RPRD2: variants seen among roughly 807,000 people sequenced by gnomAD.
RPRD2 encodes the protein regulation of nuclear pre-mRNA domain-containing protein 2.
In RPRD2, 12 loss-of-function variants were observed where a neutral mutation model predicts 104.4. The observed-to-expected ratio is 0.11, with a 90% CI of 0.07 to 0.19. The LOEUF (loss-of-function observed/expected upper bound fraction) is 0.19, where lower values mean the gene tolerates loss of function less well. Among genes scored for constraint, RPRD2 ranks in the 10% least tolerant of loss-of-function variants. The pLI is 1.00. For missense variants in RPRD2, 1,543 were observed against 1,790.1 expected, an observed-to-expected ratio of 0.86 and a Z score of 2.49; for synonymous variants, 714 against 684.9, an observed-to-expected ratio of 1.04 and a Z score of -0.66.
rs1553894797 is a variant in RPRD2, at chr1:150,443,099, T to TTA, written c.515-132_515-131insTA. 4.9e-6 allele frequency: 3 copies of TTA among 615,526 alleles called. No homozygotes were observed. The African/African-American group carries it at 5.6e-5, about 11-fold the overall frequency. The allele number at this position is 615,526 out of a possible 1,614,324, so 38.1% of individuals were successfully genotyped here. On this transcript the variant is annotated intron_variant, in intron 4 of 10. Coordinates refer to ENST00000369068, the MANE Select transcript of RPRD2 (RefSeq NM_015203.5). ...AAATTTCCTAGTCCATTATTTATTT[T>TTA]AGGAATTATGACTTAAATGTGCATG...
rs1203478537 is a variant in RPRD2 at position 150,393,454 on chromosome 1, C to CAAAAA, written c.206-24123_206-24119dup. Among the ~76,000 whole-genome samples the CAAAAA allele has an allele frequency of 1.9e-3, 113 of 59,484 alleles. 2 individuals carry two copies. The highest frequency in any genetic ancestry group is 5.5e-3 in the African/African-American group (93 of 16,856). The allele number at this position is 59,484 out of a possible 152,430, so 39.0% of individuals were successfully genotyped here. On this transcript the variant is annotated intron_variant, in intron 1 of 10. Coordinates refer to ENST00000369068, the MANE Select transcript of RPRD2 (RefSeq NM_015203.5). Reference sequence around the variant, plus strand: ...CCTGGGCAACAGAGAGACCCTGTCTCAAAAAAAAAAAAAAAAAAAAAAACC... The same window carrying CAAAAA: ...CCTGGGCAACAGAGAGACCCTGTCTCAAAAAAAAAAAAAAAAAAAAAAAAAAAACC...
chr1:150,467,689 A>G (rs1668369605), intron 10 of RPRD2, among the ~76,000 whole-genome samples: 1 of 152,120 alleles, frequency 6.6e-6, no homozygotes, highest in Non-Finnish European at 1.5e-5. Flanking sequence ...GAAATTTCTG[A>G]TGAGGCAAAA....
At chr1:150,443,185 CTT>C in intron 4 of RPRD2, 44 bp from the exon 5 acceptor site, 1 of 1,486,576 alleles carries the variant, frequency 6.7e-7, no homozygotes, top group Non-Finnish European at 9.2e-7. Context: ...TGTTAGTCAA[CTT>C]TTTGTGTCTG....
intron 8 of RPRD2, 149 bp from the exon 9 acceptor site, chr1:150,459,910 CT>C (rs35339044): frequency 1.4e-6 from 1 of 699,224 alleles, no homozygotes; most frequent in African/African-American, 1.8e-5. Context: ...AAGAGTATGA[CT>C]TTTTCAAAAA....
At chr1:150,414,935 T>TA (rs1243888396) in intron 1 of RPRD2, among the ~76,000 whole-genome samples, 6 of 152,128 alleles carry the variant, frequency 3.9e-5, no homozygotes, top group Admixed American at 3.9e-4. Flanking sequence ...AGGCTAGGGG[T>TA]AACCTAAGGT....
Position 150,473,034 on chromosome 1 carries a change from T to C in RPRD2, c.4086T>C (p.Leu1362=), listed in dbSNP as rs1457621079. Residue 1362 remains leucine, a synonymous_variant, in exon 11 of 11, where the codon CTT becomes CTC. Transcript: ENST00000369068. ...AACGGGACCTCAACGGCCCTGGCCT[T>C]AGCCGTGTACGAGAGAGCCTCACCC... is the stretch of plus-strand genomic sequence containing the variant. The part of the protein sequence containing the change: ...PTQRDLNGPG[L]SRVRESLTLP... 6.2e-7 allele frequency: 1 copy of C among 1,613,984 alleles called. No individual in the cohort carries two copies. The highest frequency in any genetic ancestry group is 8.5e-7 in the Non-Finnish European group (1 of 1,179,890).
At chr1:150,415,323 T>G (rs1455571627) in intron 1 of RPRD2, among the ~76,000 whole-genome samples, 1 of 143,276 alleles carries the variant, frequency 7.0e-6, no homozygotes, top group African/African-American at 2.5e-5. Flanking sequence ...CGAGTGAAAC[T>G]GTCTCAAAAA....
chr1:150,444,495 C>A, intron 6 of RPRD2, 118 bp downstream of exon 6: 1 of 930,402 alleles, frequency 1.1e-6, no homozygotes, highest in Non-Finnish European at 1.6e-6. Context: ...GTTGTGGCAC[C>A]TCTGGTTTCC....
chr1:150,418,739 C>T (rs995029553), intron 2 of RPRD2, among the ~76,000 whole-genome samples: 1 of 152,128 alleles, frequency 6.6e-6, no homozygotes, highest in Admixed American at 6.6e-5. Context: ...TGGCTGAGCA[C>T]GGTGGCTCAC....
At chr1:150,417,341 G>A (rs1553888766) in intron 1 of RPRD2, among the ~76,000 whole-genome samples, 1 of 152,054 alleles carries the variant, frequency 6.6e-6, no homozygotes, top group East Asian at 1.9e-4. Context: ...AAGGTTTTTA[G>A]TATGTTTGGT....
chr1:150,452,159 A>AT (rs1667229686), intron 7 of RPRD2, among the ~76,000 whole-genome samples: 2 of 85,470 alleles, frequency 2.3e-5, no homozygotes, highest in Non-Finnish European at 2.6e-5. Context: ...AAAAAAAAAA[A>AT]GAGAGAGAGA....
At chr1:150,422,631 C>T (rs1166270727) in intron 2 of RPRD2, among the ~76,000 whole-genome samples, 2 of 152,088 alleles carry the variant, frequency 1.3e-5, no homozygotes, top group Non-Finnish European at 2.9e-5. Context: ...TGCTGCCAAA[C>T]TTTTCTCGCT....
intron 1 of RPRD2, among the ~76,000 whole-genome samples, 184 bp downstream of exon 1, chr1:150,365,103 G>C (rs587677052): frequency 1.3e-5 from 2 of 152,228 alleles, no homozygotes; most frequent in Non-Finnish European, 2.9e-5. Flanking sequence ...AATTGCAGGA[G>C]ACTCATTTCT....
chr1:150,397,113 A>C (rs1368443601), intron 1 of RPRD2, among the ~76,000 whole-genome samples: 1 of 152,106 alleles, frequency 6.6e-6, no homozygotes, highest in Non-Finnish European at 1.5e-5. Context: ...AGCTGGGATC[A>C]CAGGCACCTG....
chr1:150,417,454 A>G (rs780828922), intron 1 of RPRD2, 142 bp from the exon 2 acceptor site: 135 of 602,958 alleles, frequency 2.2e-4, no homozygotes, highest in Non-Finnish European at 3.4e-4. Flanking sequence ...CCTTCCATCC[A>G]TGTAATTACA....
intron 7 of RPRD2, among the ~76,000 whole-genome samples, chr1:150,452,806 G>T (rs1439612915): frequency 1.3e-5 from 2 of 151,276 alleles, no homozygotes; most frequent in African/African-American, 4.9e-5. Context: ...AAGTAGCTGG[G>T]ATTACAGGCA....
intron 1 of RPRD2, among the ~76,000 whole-genome samples, chr1:150,402,028 C>T (rs1447644158): frequency 1.3e-5 from 2 of 150,878 alleles, no homozygotes; most frequent in African/African-American, 2.4e-5. Context: ...GGCACAATCT[C>T]GGCTCACTGC....
intron 1 of RPRD2, among the ~76,000 whole-genome samples, chr1:150,392,161 G>A (rs1553883281): frequency 6.6e-6 from 1 of 151,888 alleles, no homozygotes; most frequent in Non-Finnish European, 1.5e-5. Flanking sequence ...ACTCCAGCCT[G>A]GGCGACAGAG....
intron 1 of RPRD2, among the ~76,000 whole-genome samples, chr1:150,398,048 C>G (rs1464444827): frequency 6.6e-6 from 1 of 151,950 alleles, no homozygotes; most frequent in Non-Finnish European, 1.5e-5. Context: ...AGTGCAGTGG[C>G]ATGATCTTGT....
Sources: allele counts gnomAD v4.1 joint callset (sites outside exome capture counted in the v4.1 genomes callset), GRCh38; gene constraint gnomAD v4.1.1; transcripts MANE v1.5; gene names NCBI Gene and HGNC (gene_info 2026-07-23, HGNC 2026-07-21).